The following TAFA2 variants were observed in gnomAD, a reference collection of about 807,000 sequenced individuals.
TAFA2 encodes chemokine-like protein TAFA-2.
In TAFA2, 7 loss-of-function variants were observed where a neutral mutation model predicts 18.8. The observed-to-expected ratio is 0.37, with a 90% CI of 0.21 to 0.70. TAFA2 has a LOEUF of 0.70. TAFA2 is among the 30% of genes least tolerant of loss of function. The probability of loss-of-function intolerance (pLI) is 0.53; values close to 1 mark genes in which losing one functional copy is unlikely to be tolerated. For synonymous variants in TAFA2, 60 were observed against 54.2 expected (o/e 1.11, Z -0.47); for missense variants, 122 against 158.1 (o/e 0.77, Z 1.23).
At chr12:61,844,064 G>A (rs1873301156) in intron 2 of TAFA2, among the ~76,000 whole-genome samples, 1 of 152,162 alleles carries the variant, frequency 6.6e-6, no homozygotes, top group Non-Finnish European at 1.5e-5. Flanking sequence ...AGATTATTGA[G>A]AGAGGTGGTA....
intron 1 of TAFA2, among the ~76,000 whole-genome samples, chr12:62,087,624 G>C (rs545463711): frequency 1.4e-4 from 21 of 152,150 alleles, no homozygotes; most frequent in Non-Finnish European, 2.1e-4. Context: ...GATAAGGGAT[G>C]ACCTACAAGG....
intron 1 of TAFA2, among the ~76,000 whole-genome samples, chr12:62,011,107 A>T (rs1240111322): frequency 9.6e-6 from 1 of 103,848 alleles, no homozygotes; most frequent in Non-Finnish European, 2.0e-5. Context: ...CCGGCCACCC[A>T]TCGTCTGGGA....
At chr12:61,714,692 T>C (rs1316340439) in intron 4 of TAFA2, among the ~76,000 whole-genome samples, 1 of 152,228 alleles carries the variant, frequency 6.6e-6, no homozygotes, top group Non-Finnish European at 1.5e-5. Context: ...GTTTGAGTAT[T>C]GTGAAATTTC....
intron 1 of TAFA2, among the ~76,000 whole-genome samples, chr12:62,120,229 T>G (rs1266380070): frequency 6.6e-6 from 1 of 152,168 alleles, no homozygotes; most frequent in Non-Finnish European, 1.5e-5. Flanking sequence ...AATAGGCCCA[T>G]CTATGTCGTT....
chr12:62,210,101 G>C (rs1301738314), intron 1 of TAFA2, among the ~76,000 whole-genome samples: 1 of 152,046 alleles, frequency 6.6e-6, no homozygotes, highest in East Asian at 1.9e-4. Flanking sequence ...CAGAAAAATG[G>C]AGTGAACCCA....
intron 1 of TAFA2, among the ~76,000 whole-genome samples, chr12:62,026,195 A>G (rs1881305407): frequency 6.6e-6 from 1 of 152,162 alleles, no homozygotes; most frequent in African/African-American, 2.4e-5. Context: ...CTGATACACT[A>G]ATGTTGAAAT....
At chr12:61,820,425 T>C (rs1872270013) in intron 2 of TAFA2, among the ~76,000 whole-genome samples, 1 of 151,974 alleles carries the variant, frequency 6.6e-6, no homozygotes, top group Non-Finnish European at 1.5e-5. Context: ...TAAGCAGTAA[T>C]AGTGTGGTAC....
At chr12:61,788,258 T>C (rs1476473327) in intron 2 of TAFA2, among the ~76,000 whole-genome samples, 1 of 151,514 alleles carries the variant, frequency 6.6e-6, no homozygotes, top group Non-Finnish European at 1.5e-5. Context: ...TAATAACAGG[T>C]TATGTCAACA....
intron 1 of TAFA2, among the ~76,000 whole-genome samples, chr12:61,977,970 T>C (rs1879497409): frequency 6.6e-6 from 1 of 152,042 alleles, no homozygotes; most frequent in African/African-American, 2.4e-5. Context: ...TTTGCCTTCT[T>C]TTAGATTAAG....
chr12:61,867,460 T>A, intron 1 of TAFA2, 34 bp from the exon 2 acceptor site: 1 of 1,285,868 alleles, frequency 7.8e-7, no homozygotes, highest in African/African-American at 1.5e-5. Flanking sequence ...ATCATAAGTA[T>A]GCAAATTCAT....
intron 1 of TAFA2, among the ~76,000 whole-genome samples, chr12:61,956,952 T>C (rs1278584468): frequency 6.6e-6 from 1 of 152,172 alleles, no homozygotes; most frequent in South Asian, 2.1e-4. Flanking sequence ...TACTATCTGC[T>C]TGCAGTGACT....
chr12:62,113,239 C>A (rs1364593703), intron 1 of TAFA2, among the ~76,000 whole-genome samples: 1 of 152,168 alleles, frequency 6.6e-6, no homozygotes, highest in Non-Finnish European at 1.5e-5. Flanking sequence ...ACAGTCAGGA[C>A]CCTCTGCTGC....
chr12:62,169,428 T>C (rs2062461650), intron 1 of TAFA2, among the ~76,000 whole-genome samples: 1 of 152,232 alleles, frequency 6.6e-6, no homozygotes, highest in Non-Finnish European at 1.5e-5. Flanking sequence ...CTGTATTACC[T>C]GGCTCTGCAG....
intron 4 of TAFA2, among the ~76,000 whole-genome samples, chr12:61,714,312 C>T (rs1424464793): frequency 6.6e-6 from 1 of 152,086 alleles, no homozygotes; most frequent in Non-Finnish European, 1.5e-5. Context: ...TTTGTGTGTG[C>T]TGCACACCAG....
intron 1 of TAFA2, among the ~76,000 whole-genome samples, chr12:62,138,145 T>C (rs1230421096): frequency 6.6e-6 from 1 of 152,124 alleles, no homozygotes; most frequent in East Asian, 1.9e-4. Context: ...CAGCCAGGTG[T>C]GGTGGCACCC....
chr12:61,987,171 G>T (rs1879848540), intron 1 of TAFA2, among the ~76,000 whole-genome samples: 1 of 152,212 alleles, frequency 6.6e-6, no homozygotes, highest in South Asian at 2.1e-4. Flanking sequence ...AAACAAGCTT[G>T]CAGTACAATC....
At chr12:61,841,158 A>G (rs1254293248) in intron 2 of TAFA2, among the ~76,000 whole-genome samples, 1 of 152,092 alleles carries the variant, frequency 6.6e-6, no homozygotes, top group African/African-American at 2.4e-5. Flanking sequence ...TATGAACACT[A>G]TATCCACCAT....
intron 4 of TAFA2, among the ~76,000 whole-genome samples, chr12:61,733,431 T>C (rs535042246): frequency 6.6e-6 from 1 of 152,170 alleles, no homozygotes; most frequent in South Asian, 2.1e-4. Flanking sequence ...CTTTAATCCA[T>C]CTTGAATTAA....
chr12:61,875,383 A>C (rs1874798395), intron 1 of TAFA2, among the ~76,000 whole-genome samples: 1 of 151,980 alleles, frequency 6.6e-6, no homozygotes, highest in Non-Finnish European at 1.5e-5. Context: ...GTTTTATAGT[A>C]TTATCTATCT....
Sources: allele counts gnomAD v4.1 joint callset (sites outside exome capture counted in the v4.1 genomes callset), GRCh38; gene constraint gnomAD v4.1.1; transcripts MANE v1.5; gene names NCBI Gene and HGNC (gene_info 2026-07-23, HGNC 2026-07-21).